PPARGC1A: variants seen among roughly 807,000 people sequenced by gnomAD.
PPARGC1A encodes peroxisome proliferator-activated receptor gamma coactivator 1-alpha.
Under a neutral mutation model 88.7 loss-of-function variants are expected in PPARGC1A, and 25 were observed. The observed-to-expected ratio is 0.28, with a 90% confidence interval of 0.21 to 0.39. The LOEUF is 0.39. PPARGC1A is among the 10% of genes least tolerant of loss of function. PPARGC1A has a pLI of 1.00. For missense variants in PPARGC1A, 880 were observed against 968.7 expected, an observed-to-expected ratio of 0.91 and a Z score of 1.22; for synonymous variants, 363 against 355.6, an observed-to-expected ratio of 1.02 and a Z score of -0.24.
chr4:23,844,817 T>A (rs1240868671), intron 2 of PPARGC1A, among the ~76,000 whole-genome samples: 4 of 126,804 alleles, frequency 3.2e-5, no homozygotes, highest in South Asian at 2.2e-4. Context: ...TTATAATATA[T>A]GATATATATT....
the PPARGC1A span, among the ~76,000 whole-genome samples, chr4:24,040,921 C>G: frequency 6.6e-6 from 1 of 152,126 alleles, no homozygotes; most frequent in African/African-American, 2.4e-5. Flanking sequence ...AGAAACCATC[C>G]TTTAGAAGTA....
At chr4:24,036,576 A>C in the PPARGC1A span, among the ~76,000 whole-genome samples, 2 of 152,294 alleles carry the variant, frequency 1.3e-5, no homozygotes. Flanking sequence ...TGAATCACAA[A>C]TATATGTAAG....
At chr4:24,282,521 A>G in the PPARGC1A span, among the ~76,000 whole-genome samples, 1 of 152,256 alleles carries the variant, frequency 6.6e-6, no homozygotes, top group African/African-American at 2.4e-5. Context: ...GAACCTGTCC[A>G]TCAGAACGTG....
chr4:24,177,618 AT>A, the PPARGC1A span, among the ~76,000 whole-genome samples: 19,684 of 107,284 alleles, frequency 0.18, 1,879 homozygotes, highest in African/African-American at 0.31. Context: ...TTCAAGTATA[AT>A]TAAATAAATA....
the PPARGC1A span, among the ~76,000 whole-genome samples, chr4:24,215,304 A>G: frequency 6.6e-6 from 1 of 152,216 alleles, no homozygotes; most frequent in Non-Finnish European, 1.5e-5. Context: ...GGGATTGTGC[A>G]CACTTGCGTG....
chr4:23,893,722 A>G (rs908692842), upstream of PPARGC1A, among the ~76,000 whole-genome samples: 27 of 152,174 alleles, frequency 1.8e-4, no homozygotes, highest in African/African-American at 6.3e-4. Flanking sequence ...CACACAGCAG[A>G]AAATTACTGT....
Position 23,801,889 on chromosome 4 carries a change from G to A in PPARGC1A, c.2142-8C>T, listed in dbSNP as rs377729272. The A allele has an allele frequency of 3.0e-4, 484 of 1,613,676 alleles. No homozygotes were observed. In the Admixed American group the frequency reaches 4.5e-3, roughly 15 times the overall value. The stretch of plus-strand genomic sequence containing the variant: ...ATGAAACCATAGCTGTCTCTGCAAC[G>A]GACAAAGAAAAGTTCAAAGCTGGTT... On this transcript the variant is annotated splice_polypyrimidine_tract_variant and splice_region_variant and intron_variant, in intron 11 of 12. Transcript: ENST00000264867.
chr4:24,119,140 C>T, the PPARGC1A span, among the ~76,000 whole-genome samples: 2 of 152,108 alleles, frequency 1.3e-5, no homozygotes, highest in Admixed American at 1.3e-4. Flanking sequence ...AGTGAGGGAG[C>T]CTCTTTTGTC....
chr4:24,407,985 C>A, the PPARGC1A span, among the ~76,000 whole-genome samples: 3 of 152,130 alleles, frequency 2.0e-5, no homozygotes, highest in Non-Finnish European at 4.4e-5. Flanking sequence ...GGATTCAACA[C>A]TTGAATCTAA....
the PPARGC1A span, among the ~76,000 whole-genome samples, chr4:24,114,117 C>G: frequency 8.7e-6 from 1 of 114,574 alleles, no homozygotes; most frequent in Non-Finnish European, 1.7e-5. Context: ...GAGAGAGACT[C>G]CATCACAAAA....
chr4:23,964,561 T>C, the PPARGC1A span, among the ~76,000 whole-genome samples: 23 of 152,296 alleles, frequency 1.5e-4, no homozygotes, highest in South Asian at 3.7e-3. Flanking sequence ...CAGGTAAAAA[T>C]GGCTAATATG....
the PPARGC1A span, among the ~76,000 whole-genome samples, chr4:24,309,870 A>G: frequency 6.6e-6 from 1 of 152,236 alleles, no homozygotes; most frequent in Non-Finnish European, 1.5e-5. Context: ...CGAAAGAGAT[A>G]ATGGTGGTAA....
At chr4:24,124,619 G>T in the PPARGC1A span, among the ~76,000 whole-genome samples, 414 of 152,226 alleles carry the variant, frequency 2.7e-3, 5 homozygotes, top group East Asian at 0.051. Flanking sequence ...CTAGTTGCTG[G>T]ACAGGTACAG....
the PPARGC1A span, among the ~76,000 whole-genome samples, chr4:24,065,278 C>T: frequency 6.6e-6 from 1 of 152,064 alleles, no homozygotes; most frequent in East Asian, 1.9e-4. Flanking sequence ...TAGGTGAGTC[C>T]ATTTAATTCT....
chr4:24,236,263 A>T, the PPARGC1A span, among the ~76,000 whole-genome samples: 1 of 152,098 alleles, frequency 6.6e-6, no homozygotes. Flanking sequence ...AGCAAGCTTT[A>T]TCTAAGGACA....
chr4:24,252,249 A>G, the PPARGC1A span, among the ~76,000 whole-genome samples: 315 of 152,296 alleles, frequency 2.1e-3, 2 homozygotes, highest in African/African-American at 7.4e-3. Flanking sequence ...TAGGGTGACA[A>G]TTAAAAAACC....
the PPARGC1A span, among the ~76,000 whole-genome samples, chr4:24,238,987 A>T: frequency 2.6e-5 from 4 of 152,164 alleles, no homozygotes; most frequent in Admixed American, 2.0e-4. Flanking sequence ...ATAATGGTTA[A>T]TATATAAGCC....
At chr4:24,364,851 A>G in the PPARGC1A span, among the ~76,000 whole-genome samples, 1 of 152,208 alleles carries the variant, frequency 6.6e-6, no homozygotes, top group African/African-American at 2.4e-5. Flanking sequence ...TAAGCTCTCA[A>G]TAAATGATAG....
chr4:24,172,551 T>A, the PPARGC1A span, among the ~76,000 whole-genome samples: 2 of 152,206 alleles, frequency 1.3e-5, no homozygotes, highest in Non-Finnish European at 2.9e-5. Context: ...AGTAGAGGGC[T>A]TGCCCACAAA....
Sources: allele counts gnomAD v4.1 joint callset (sites outside exome capture counted in the v4.1 genomes callset), GRCh38; gene constraint gnomAD v4.1.1; transcripts MANE v1.5; gene names NCBI Gene and HGNC (gene_info 2026-07-23, HGNC 2026-07-21).